Variants in SOX5 observed in about 807,000 individuals in gnomAD.
SOX5 encodes the protein transcription factor SOX-5.
A neutral mutation model predicts 92.0 loss-of-function variants in SOX5; 9 were observed. The ratio of observed to expected loss-of-function variants is 0.10; its 90% CI spans 0.06 to 0.17. The LOEUF (loss-of-function observed/expected upper bound fraction) is 0.17. Ranked by LOEUF, SOX5 falls within the 10% of genes least tolerant of loss-of-function variation. The pLI is 1.00. For missense variants in SOX5, 642 were observed against 944.5 expected (o/e 0.68, Z 4.20); for synonymous variants, 344 against 336.3 (o/e 1.02, Z -0.25).
intron 3 of SOX5, among the ~76,000 whole-genome samples, chr12:23,838,383 C>T (rs9669660): frequency 0.25 from 37,419 of 151,110 alleles, 5,751 homozygotes; most frequent in East Asian, 0.77. Context: ...ATTAAATAAA[C>T]GTTCTTGTCA....
At chr12:24,269,306 T>C (rs542001003) in intron 3 of SOX5, among the ~76,000 whole-genome samples, 2 of 152,194 alleles carry the variant, frequency 1.3e-5, no homozygotes, top group African/African-American at 2.4e-5. Context: ...AGTAGCTAAA[T>C]GGTTAAAGCA....
At chr12:24,529,148 A>C (rs1374697350) in intron 1 of SOX5, among the ~76,000 whole-genome samples, 1 of 152,248 alleles carries the variant, frequency 6.6e-6, no homozygotes, top group African/African-American at 2.4e-5. Flanking sequence ...CACTTCACTT[A>C]GAATTATAAT....
intron 4 of SOX5, among the ~76,000 whole-genome samples, chr12:23,994,171 A>G (rs1033631568): frequency 6.6e-6 from 1 of 152,212 alleles, no homozygotes; most frequent in South Asian, 2.1e-4. Context: ...GAATGTTTCT[A>G]TAAAGGTGTA....
Position 24,029,966 on chromosome 12 carries a change from G to A in SOX5, c.-1-133942C>T, listed in dbSNP as rs1347194627. 2.6e-5 allele frequency among the ~76,000 whole-genome samples: 4 copies of A among 151,988 alleles called. No individual in the cohort carries two copies. The East Asian group carries it at 7.8e-4, about 30-fold the overall frequency. On this transcript the variant is annotated intron_variant, in intron 4 of 4. Coordinates refer to the SOX5 transcript ENST00000446891. ...CCAGGCTCAGTTCTCACTGCTTCAT[G>A]TGTATTAATACCTTTCATTCTCATT...
rs186534693 is a variant in SOX5, at chr12:24,217,892, C to T, written c.-76-4475G>A. ...CAAAGATGATGCTCAATATCATTATCCATTAGAGAAATGTAAACCAAAGCC... is the reference window on the plus strand; with the variant it reads ...CAAAGATGATGCTCAATATCATTATTCATTAGAGAAATGTAAACCAAAGCC... On this transcript the variant is annotated intron_variant, in intron 3 of 4. Transcript: ENST00000446891. 4.5e-3 allele frequency among the ~76,000 whole-genome samples: 686 copies of T among 152,222 alleles called. 4 individuals carry two copies. The highest frequency in any genetic ancestry group is 7.6e-3 in the Non-Finnish European group (518 of 68,010).
chr12:24,406,671 T>C (rs184009872), intron 1 of SOX5, among the ~76,000 whole-genome samples: 60 of 152,312 alleles, frequency 3.9e-4, no homozygotes, highest in African/African-American at 1.4e-3. Flanking sequence ...TGATTTGATA[T>C]TGGACATAAA....
intron 4 of SOX5, among the ~76,000 whole-genome samples, chr12:24,147,144 C>T (rs1229195771): frequency 1.3e-5 from 2 of 152,086 alleles, no homozygotes; most frequent in Non-Finnish European, 2.9e-5. Flanking sequence ...GGCCAGTATA[C>T]CTTGATACCA....
intron 2 of SOX5, among the ~76,000 whole-genome samples, chr12:24,361,608 G>C (rs534028058): frequency 7.3e-6 from 1 of 136,106 alleles, no homozygotes; most frequent in East Asian, 2.4e-4. Context: ...GCTTTTTCAG[G>C]TTTTGTGTGT....
chr12:24,353,340 A>G (rs1472334664), intron 2 of SOX5, among the ~76,000 whole-genome samples: 1 of 152,166 alleles, frequency 6.6e-6, no homozygotes, highest in Admixed American at 6.5e-5. Flanking sequence ...TAAAGAAACT[A>G]TGGAAGGGCC....
chr12:24,054,671 G>A (rs1957923122), intron 4 of SOX5, among the ~76,000 whole-genome samples: 1 of 152,100 alleles, frequency 6.6e-6, no homozygotes, highest in African/African-American at 2.4e-5. Flanking sequence ...ACCAGAATTA[G>A]AGCAAAGAAA....
chr12:24,443,205 G>A (rs746492548), intron 1 of SOX5, among the ~76,000 whole-genome samples: 2 of 152,196 alleles, frequency 1.3e-5, no homozygotes, highest in South Asian at 2.1e-4. Context: ...GCCCCACCTC[G>A]GCCTTCCAAA....
At chr12:23,914,953 A>G (rs920717670) in intron 1 of SOX5, among the ~76,000 whole-genome samples, 6 of 152,240 alleles carry the variant, frequency 3.9e-5, no homozygotes, top group East Asian at 1.9e-4. Context: ...TCATTTTTCA[A>G]TCTAATGAAG....
chr12:24,221,498 C>A (rs918476646), intron 3 of SOX5, among the ~76,000 whole-genome samples: 3 of 152,198 alleles, frequency 2.0e-5, no homozygotes, highest in Non-Finnish European at 2.9e-5. Context: ...TGTCTCTTGA[C>A]AAATCTACTG....
chr12:24,144,098 A>G (rs577219999), intron 4 of SOX5, among the ~76,000 whole-genome samples: 5 of 152,264 alleles, frequency 3.3e-5, no homozygotes, highest in African/African-American at 1.2e-4. Flanking sequence ...AAAAAAAGAT[A>G]TCATTACAAA....
intron 3 of SOX5, among the ~76,000 whole-genome samples, chr12:23,843,605 C>G (rs1302066137): frequency 8.2e-6 from 1 of 121,490 alleles, no homozygotes; most frequent in Admixed American, 1.1e-4. Flanking sequence ...GCTCTGTTGC[C>G]CAGGCTGGTG....
intron 1 of SOX5, among the ~76,000 whole-genome samples, chr12:24,454,171 C>A (rs1475549080): frequency 6.6e-6 from 1 of 152,146 alleles, no homozygotes; most frequent in Non-Finnish European, 1.5e-5. Context: ...TAAACCTGAA[C>A]TATTGAAAAA....
chr12:24,398,305 C>T (rs546887570), intron 1 of SOX5, among the ~76,000 whole-genome samples: 42 of 152,300 alleles, frequency 2.8e-4, no homozygotes, highest in African/African-American at 9.6e-4. Context: ...GAGTTTGAGA[C>T]AAGCCTGAGC....
intron 2 of SOX5, among the ~76,000 whole-genome samples, chr12:24,305,819 A>C (rs1250749659): frequency 6.6e-6 from 1 of 151,514 alleles, no homozygotes; most frequent in Admixed American, 6.6e-5. Context: ...CTGGTCTTGA[A>C]CTCCTGAGCT....
intron 3 of SOX5, among the ~76,000 whole-genome samples, chr12:24,226,159 A>G (rs1409106150): frequency 6.6e-6 from 1 of 152,188 alleles, no homozygotes; most frequent in Non-Finnish European, 1.5e-5. Context: ...TTACTTTTAA[A>G]ACATATATAA....
Sources: allele counts gnomAD v4.1 joint callset (sites outside exome capture counted in the v4.1 genomes callset), GRCh38; gene constraint gnomAD v4.1.1; transcripts MANE v1.5; gene names NCBI Gene and HGNC (gene_info 2026-07-23, HGNC 2026-07-21).